The following PLOD2 variants were observed in gnomAD, a reference collection of about 807,000 sequenced individuals.
PLOD2 encodes the protein procollagen-lysine,2-oxoglutarate 5-dioxygenase 2.
PLOD2 carries 65 observed loss-of-function variants against 101.0 expected under a neutral mutation model. The observed-to-expected ratio is 0.64, with a 90% CI of 0.53 to 0.79. The LOEUF (loss-of-function observed/expected upper bound fraction) is 0.79. Ranked by LOEUF, PLOD2 falls within the 30% of genes least tolerant of loss-of-function variation. PLOD2 has a pLI of 0.00. For synonymous variants in PLOD2, 314 were observed against 302.9 expected, an observed-to-expected ratio of 1.04 and a Z score of -0.38; for missense variants, 909 against 914.6, an observed-to-expected ratio of 0.99 and a Z score of 0.08.
In PLOD2 at chr3:146,124,242, A is replaced by T. The variant is rs201695705; in HGVS notation, c.110-13T>A. 1.4e-6 allele frequency: 2 copies of T among 1,407,766 alleles called. No homozygotes were observed. The highest frequency in any genetic ancestry group is 2.3e-5 in the East Asian group (1 of 43,844). The allele number at this position is 1,407,766 out of a possible 1,614,324, so 87.2% of individuals were successfully genotyped here. The stretch of plus-strand genomic sequence containing the variant: ...ACTAATAATTTATCTGCAAAGACAA[A>T]AGGAAACAAAAGAAGGTTTACCAAG... On this transcript the variant is annotated splice_polypyrimidine_tract_variant and intron_variant, in intron 1 of 19. Coordinates refer to ENST00000282903, the MANE Select transcript of PLOD2 (RefSeq NM_182943.3).
At position 146,110,215 on chromosome 3, in the gene PLOD2, A is replaced by C. The variant is rs1489074223; in HGVS notation, c.502+70T>G. The C allele has an allele frequency of 3.8e-6, 5 of 1,302,876 alleles. No homozygotes were observed. In the South Asian group the frequency reaches 5.9e-5, roughly 15 times the overall value. 80.7% of individuals were successfully genotyped at this position (1,302,876 alleles called of 1,614,324 possible). ...AAAACTTCATATCTAAAGTTACTAC[A>C]TCTACAAAAATGGTTGTTTCATTAG... On this transcript the variant is annotated intron_variant, in intron 4 of 19. Transcript: ENST00000282903.
At chr3:146,087,395 G>T (rs1042581740) in intron 9 of PLOD2, among the ~76,000 whole-genome samples, 3 of 151,608 alleles carry the variant, frequency 2.0e-5, no homozygotes, top group African/African-American at 7.3e-5. Context: ...AAACCAGAGA[G>T]TAAAATAAAT....
rs1553743353 is a variant in PLOD2 at position 146,155,329 on chromosome 3, A to AATT, written c.109+5551_109+5552insAAT. Among the ~76,000 whole-genome samples, 795 of 150,732 alleles carry AATT rather than the reference A, an allele frequency of 5.3e-3. 6 individuals are homozygous for AATT. Among genetic ancestry groups the AATT allele is most frequent in the African/African-American group, 0.017 (710 of 40,966 alleles). On this transcript the variant is annotated intron_variant, in intron 1 of 19. Transcript: ENST00000282903. ...ACAGAGTGAGACCCTGTCTATAAAT[A>AATT]AATTAATTAATTAATTAATTAAATA... is the stretch of plus-strand genomic sequence containing the variant.
Position 146,076,897 on chromosome 3 carries a change from T to C in PLOD2, c.1564-2A>G, listed in dbSNP as rs759935455. The C allele has an allele frequency of 6.6e-7, 1 of 1,506,274 alleles. No homozygotes were observed. Among genetic ancestry groups the C allele is most frequent in the South Asian group, 1.1e-5 (1 of 88,220 alleles). 93.3% of individuals were successfully genotyped at this position (1,506,274 alleles called of 1,614,324 possible). On this transcript the variant is annotated splice_acceptor_variant, in intron 14 of 19. Coordinates refer to ENST00000282903, the MANE Select transcript of PLOD2 (RefSeq NM_182943.3). LOFTEE classifies it high-confidence loss of function. ...ATTAGAAATGTACATAAATACACCC[T>C]ATATGCCAGAAAATAACAGTATTAA...
In PLOD2 at chr3:146,124,052, G is replaced by A. The variant is rs75861096; in HGVS notation, c.201+86C>T. ...TGTAACCAAATGCTATCTTCCTTGT[G>A]AGGATTACAGATTGTACTGCTGTTA... is the stretch of plus-strand genomic sequence containing the variant. On this transcript the variant is annotated intron_variant, in intron 2 of 19. Coordinates refer to ENST00000282903, the MANE Select transcript of PLOD2 (RefSeq NM_182943.3). The A allele has an allele frequency of 2.1e-4, 159 of 774,102 alleles. 1 individual carries two copies. In the East Asian group the frequency reaches 3.5e-3, roughly 17 times the overall value. The allele number at this position is 774,102 out of a possible 1,614,324, so 48.0% of individuals were successfully genotyped here. A position where few individuals can be genotyped will look rare whatever the true frequency, so the allele number is the denominator to read the frequency against.
chr3:146,083,579 T>TTC (rs369635872), intron 11 of PLOD2, among the ~76,000 whole-genome samples: 2 of 39,470 alleles, frequency 5.1e-5, no homozygotes, highest in African/African-American at 1.9e-4. Context: ...GTCTTTTTCT[T>TTC]TTTTTTTTTT....
At chr3:146,127,129 T>C (rs1255654187) in intron 1 of PLOD2, among the ~76,000 whole-genome samples, 1 of 152,208 alleles carries the variant, frequency 6.6e-6, no homozygotes, top group Non-Finnish European at 1.5e-5. Context: ...TATTTTCGTA[T>C]GGTTCAGCAA....
At chr3:146,101,001 T>G (rs903493701) in intron 7 of PLOD2, among the ~76,000 whole-genome samples, 3 of 152,086 alleles carry the variant, frequency 2.0e-5, no homozygotes, top group Admixed American at 6.6e-5. Context: ...AAAACCAGCA[T>G]GCACAGGAGT....
At chr3:146,087,928 T>C (rs1181858608) in intron 9 of PLOD2, among the ~76,000 whole-genome samples, 1 of 151,690 alleles carries the variant, frequency 6.6e-6, no homozygotes, top group Non-Finnish European at 1.5e-5. Flanking sequence ...AAAGGAACAA[T>C]GGTAAACAAA....
chr3:146,110,300 A>G lies in PLOD2; in HGVS notation c.487T>C (p.Tyr163His). ...KYPVVHIGKRYLNSGGFIGYA... is the reference protein window; with the variant it reads ...KYPVVHIGKRHLNSGGFIGYA... ...TCTAACTCACCTCCTGAATTCAGAT[A>G]GCGTTTCCCAATGTGCACAACAGGA... The change falls in exon 4 of 20, where the codon TAT (tyrosine) becomes CAT (histidine). Residue 163 changes from tyrosine to histidine, a missense_variant. Coordinates refer to ENST00000282903, the MANE Select transcript of PLOD2 (RefSeq NM_182943.3). 1 of 1,613,794 alleles carries G rather than the reference A, an allele frequency of 6.2e-7. No homozygotes were observed.
intron 5 of PLOD2, 107 bp from the exon 6 acceptor site, chr3:146,104,449 C>G: frequency 1.5e-6 from 1 of 683,014 alleles, no homozygotes; most frequent in East Asian, 2.7e-5. Flanking sequence ...GTTTAATATT[C>G]TTATATCTTA....
At chr3:146,072,426 A>T (rs1322681262) in intron 17 of PLOD2, 135 bp downstream of exon 17, 1 of 683,626 alleles carries the variant, frequency 1.5e-6, no homozygotes. Flanking sequence ...CTGAAATCAG[A>T]GCCTTGGCTA....
intron 1 of PLOD2, among the ~76,000 whole-genome samples, chr3:146,129,043 G>T (rs2030751468): frequency 6.6e-6 from 1 of 151,132 alleles, no homozygotes. Flanking sequence ...TTTTAAACTG[G>T]CAACAATAAA....
chr3:146,073,658 T>C (rs571807794), intron 15 of PLOD2: 2 of 162,620 alleles, frequency 1.2e-5, no homozygotes, highest in African/African-American at 4.8e-5. Flanking sequence ...GATGGGGTTA[T>C]GTCCCAATAA....
chr3:146,149,651 T>G lies in PLOD2; in HGVS notation c.109+11230A>C, dbSNP rs191389670. ...TATTAATAAGATAAAAGTTTATCAT[T>G]TTAATAAACCAAATTTTTCTTCAAC... On this transcript the variant is annotated intron_variant, in intron 1 of 19. Coordinates refer to ENST00000282903, the MANE Select transcript of PLOD2 (RefSeq NM_182943.3). 6.6e-3 allele frequency among the ~76,000 whole-genome samples: 1,000 copies of G among 152,270 alleles called. 6 individuals carry two copies. The highest frequency in any genetic ancestry group is 0.015 in the South Asian group (73 of 4,828).
chr3:146,085,443 A>G, intron 10 of PLOD2, 170 bp from the exon 11 acceptor site: 1 of 599,142 alleles, frequency 1.7e-6, no homozygotes, highest in South Asian at 2.2e-5. Flanking sequence ...TTAAATTTCA[A>G]AATGGTCAAT....
At chr3:146,118,399 G>T (rs1938020680) in intron 3 of PLOD2, among the ~76,000 whole-genome samples, 1 of 151,950 alleles carries the variant, frequency 6.6e-6, no homozygotes, top group African/African-American at 2.4e-5. Flanking sequence ...GTACGGCACT[G>T]GGACTTCATT....
intron 1 of PLOD2, among the ~76,000 whole-genome samples, chr3:146,150,993 A>C (rs1347509390): frequency 6.6e-6 from 1 of 152,230 alleles, no homozygotes; most frequent in Non-Finnish European, 1.5e-5. Context: ...CTGCATCTAA[A>C]TCAAAAGCTA....
Position 146,079,107 on chromosome 3 carries a change from A to G in PLOD2, c.1500+9T>C, listed in dbSNP as rs1212054428. On this transcript the variant is annotated intron_variant, in intron 13 of 19. Coordinates refer to ENST00000282903, the MANE Select transcript of PLOD2 (RefSeq NM_182943.3). ...GAACATTCAAGCAAGCCATCACTGC[A>G]TATCTTACCATTTCTCTAGCATTTC... 1.9e-6 allele frequency: 3 copies of G among 1,612,186 alleles called. No individual in the cohort carries two copies. Among genetic ancestry groups the G allele is most frequent in the Admixed American group, 1.7e-5 (1 of 59,938 alleles).
Sources: allele counts gnomAD v4.1 joint callset (sites outside exome capture counted in the v4.1 genomes callset), GRCh38; gene constraint gnomAD v4.1.1; transcripts MANE v1.5; gene names NCBI Gene and HGNC (gene_info 2026-07-23, HGNC 2026-07-21).